The following CCDC171 variants were observed in gnomAD, a reference collection of about 807,000 sequenced individuals.
The protein encoded by CCDC171 is coiled-coil domain-containing protein 171.
Under a neutral mutation model 168.2 loss-of-function variants are expected in CCDC171, and 177 were observed. That is an observed-to-expected ratio of 1.05 (90% CI 0.93 to 1.19). The LOEUF (loss-of-function observed/expected upper bound fraction) is 1.19, where lower values mean the gene tolerates loss of function less well. Among genes scored for constraint, CCDC171 ranks in the 50% most tolerant of loss-of-function variants. The probability of loss-of-function intolerance (pLI) is 0.00; values close to 1 mark genes in which losing one functional copy is unlikely to be tolerated. For synonymous variants in CCDC171, 687 were observed against 540.8 expected (o/e 1.27, Z -3.75); for missense variants, 1,991 against 1,539.0 (o/e 1.29, Z -4.91).
rs527606071 is a variant in CCDC171 at position 15,734,260 on chromosome 9, G to A, written c.2049+4462G>A. ...ATTACTATTATAAATTGGAGGCTGA[G>A]TGTGGTGGCTCATGCCTGTAATCCC... is the stretch of plus-strand genomic sequence containing the variant. On this transcript the variant is annotated intron_variant, in intron 16 of 25. Transcript: ENST00000380701. 1.5e-4 allele frequency among the ~76,000 whole-genome samples: 23 copies of A among 152,332 alleles called. No homozygotes were observed. The South Asian group carries it at 4.4e-3, about 29-fold the overall frequency.
intron 7 of CCDC171, 30 bp downstream of exon 7, chr9:15,623,443 A>T: frequency 6.9e-7 from 1 of 1,451,550 alleles, no homozygotes; most frequent in Non-Finnish European, 9.3e-7. Flanking sequence ...TATAATATAT[A>T]TGCGTACAAA....
chr9:15,742,949 A>G (rs1014617795), intron 16 of CCDC171, among the ~76,000 whole-genome samples: 1 of 148,858 alleles, frequency 6.7e-6, no homozygotes, highest in Admixed American at 6.7e-5. Context: ...ATATTTTTAA[A>G]TTTTTTTTTT....
At chr9:15,679,316 C>T (rs118068429) in intron 10 of CCDC171, among the ~76,000 whole-genome samples, 2,089 of 152,236 alleles carry the variant, frequency 0.014, 12 homozygotes, top group Non-Finnish European at 0.023. Flanking sequence ...ACACCATCAC[C>T]AAGTTTATCT....
rs551985991 is a variant in CCDC171, at chr9:15,584,112, C to A, written c.352+5089C>A. ...TTGAACTCCTGACCTTGTGATCCAC[C>A]CGCCTCGGCCTCCCAAAGTGCTGGG... is the stretch of plus-strand genomic sequence containing the variant. On this transcript the variant is annotated intron_variant, in intron 4 of 25. Transcript: ENST00000380701. Among the ~76,000 whole-genome samples the A allele has an allele frequency of 1.4e-4, 22 of 152,270 alleles. No homozygotes were observed. In the South Asian group the frequency reaches 4.6e-3, roughly 32 times the overall value.
chr9:15,564,225 A>C, intron 2 of CCDC171, 96 bp downstream of exon 2: 24 of 861,752 alleles, frequency 2.8e-5, no homozygotes, highest in Non-Finnish European at 4.1e-5. Context: ...AAGAATTCTC[A>C]TGGGATGGTA....
intron 6 of CCDC171, among the ~76,000 whole-genome samples, chr9:15,611,349 G>C (rs761845789): frequency 2.6e-5 from 4 of 152,068 alleles, no homozygotes; most frequent in Non-Finnish European, 5.9e-5. Flanking sequence ...GAACCTTTCC[G>C]CAAATGTCCG....
At chr9:16,002,948 G>A (rs1452355282) in intron 3 of CCDC171, among the ~76,000 whole-genome samples, 1 of 152,038 alleles carries the variant, frequency 6.6e-6, no homozygotes, top group Non-Finnish European at 1.5e-5. Context: ...GATGTAGATG[G>A]CTATACCGTC....
intron 25 of CCDC171, among the ~76,000 whole-genome samples, chr9:15,959,116 G>T (rs934011206): frequency 6.6e-6 from 1 of 152,166 alleles, no homozygotes; most frequent in Admixed American, 6.6e-5. Flanking sequence ...TAGGAGAGAT[G>T]CAGGGACAAA....
chr9:15,931,006 C>T (rs993264013), intron 25 of CCDC171, among the ~76,000 whole-genome samples: 1 of 151,614 alleles, frequency 6.6e-6, no homozygotes, highest in African/African-American at 2.4e-5. Flanking sequence ...TAATATACAA[C>T]ATTTTACTGT....
At chr9:15,700,251 G>A (rs2051607230) in intron 11 of CCDC171, among the ~76,000 whole-genome samples, 1 of 152,212 alleles carries the variant, frequency 6.6e-6, no homozygotes, top group Non-Finnish European at 1.5e-5. Flanking sequence ...ACTGCTGGGG[G>A]ACCCCGTACA....
chr9:15,941,895 T>C (rs992686096), intron 25 of CCDC171, among the ~76,000 whole-genome samples: 32 of 151,990 alleles, frequency 2.1e-4, no homozygotes, highest in African/African-American at 6.3e-4. Context: ...TCAGTTTTTA[T>C]TATTTAAAAA....
chr9:15,863,218 C>A (rs1439469217), intron 23 of CCDC171, among the ~76,000 whole-genome samples: 1 of 151,940 alleles, frequency 6.6e-6, no homozygotes, highest in Non-Finnish European at 1.5e-5. Flanking sequence ...CTGAGAGTTC[C>A]CTCCTGGTAA....
At chr9:15,671,330 G>GT (rs983832963) in intron 9 of CCDC171, among the ~76,000 whole-genome samples, 14 of 149,152 alleles carry the variant, frequency 9.4e-5, no homozygotes, top group East Asian at 2.0e-4. Flanking sequence ...GTCTGGAAAA[G>GT]TTTTTTTTTT....
chr9:15,669,466 T>G (rs2133218227), intron 9 of CCDC171, among the ~76,000 whole-genome samples: 1 of 152,344 alleles, frequency 6.6e-6, no homozygotes, highest in South Asian at 2.1e-4. Context: ...CATTTATTTA[T>G]GTTAGGAACA....
At chr9:15,673,029 C>G (rs1044493679) in intron 9 of CCDC171, among the ~76,000 whole-genome samples, 1 of 152,066 alleles carries the variant, frequency 6.6e-6, no homozygotes, top group Non-Finnish European at 1.5e-5. Context: ...CTTTTATTTC[C>G]TTGAGCAGTG....
the CCDC171 span, among the ~76,000 whole-genome samples, chr9:16,106,767 CTAAAT>C: frequency 6.6e-6 from 1 of 152,076 alleles, no homozygotes; most frequent in African/African-American, 2.4e-5. Flanking sequence ...AACAATAAAA[CTAAAT>C]GCTAGAGAAT....
chr9:15,836,247 G>A (rs767137752), intron 21 of CCDC171, among the ~76,000 whole-genome samples: 6 of 152,168 alleles, frequency 3.9e-5, no homozygotes, highest in Non-Finnish European at 7.4e-5. Flanking sequence ...CACACATTAT[G>A]CATATTCATC....
intron 24 of CCDC171, among the ~76,000 whole-genome samples, chr9:15,896,264 G>A (rs760029459): frequency 6.6e-6 from 1 of 151,942 alleles, no homozygotes; most frequent in Non-Finnish European, 1.5e-5. Flanking sequence ...CCATGGTTGA[G>A]TGGAAGCCAG....
At chr9:15,769,769 G>A (rs1412944035) in intron 18 of CCDC171, among the ~76,000 whole-genome samples, 1 of 152,126 alleles carries the variant, frequency 6.6e-6, no homozygotes, top group African/African-American at 2.4e-5. Context: ...TCAAAGTGAG[G>A]TTCTGTGTAC....
Sources: allele counts gnomAD v4.1 joint callset (sites outside exome capture counted in the v4.1 genomes callset), GRCh38; gene constraint gnomAD v4.1.1; transcripts MANE v1.5; gene names NCBI Gene and HGNC (gene_info 2026-07-23, HGNC 2026-07-21).